The following CHCHD6 variants were observed in gnomAD, a reference collection of about 807,000 sequenced individuals.
The protein encoded by CHCHD6 is coiled-coil-helix-coiled-coil-helix domain containing 6, also known as MICOS complex subunit MIC25.
A neutral mutation model predicts 32.3 loss-of-function variants in CHCHD6; 28 were observed. That is an observed-to-expected ratio of 0.87 (90% CI 0.64 to 1.19). CHCHD6 has a LOEUF of 1.19. CHCHD6 is among the 50% of genes most tolerant of loss of function. The pLI, the probability that CHCHD6 is intolerant of heterozygous loss-of-function variation, is 0.00. For synonymous variants in CHCHD6, 122 were observed against 117.5 expected (o/e 1.04, Z -0.25); for missense variants, 333 against 307.0 (o/e 1.08, Z -0.63).
At chr3:126,836,459 C>A (rs1006173298) in intron 4 of CHCHD6, among the ~76,000 whole-genome samples, 7 of 152,222 alleles carry the variant, frequency 4.6e-5, no homozygotes, top group African/African-American at 1.7e-4. Flanking sequence ...GACCGCCACT[C>A]TGTTCTTCAC....
At position 126,770,083 on chromosome 3, in the gene CHCHD6, G is replaced by A. The variant is rs545124899; in HGVS notation, c.411+36861G>A. On this transcript the variant is annotated intron_variant, in intron 4 of 7. Transcript: ENST00000290913. ...CCTCCTTGGTTACGTGTATTCTAAG[G>A]TATTTTATTCTTTTTGTGGCTATTG... Among the ~76,000 whole-genome samples the A allele has an allele frequency of 3.9e-5, 6 of 152,084 alleles. No individual in the cohort carries two copies. The East Asian group carries it at 1.2e-3, about 29-fold the overall frequency.
chr3:126,719,881 CT>C (rs200016987), intron 1 of CHCHD6, among the ~76,000 whole-genome samples: 60 of 147,410 alleles, frequency 4.1e-4, no homozygotes, highest in Non-Finnish European at 4.5e-4. Context: ...TCAGAGTCTT[CT>C]TTTTTTTTTT....
intron 4 of CHCHD6, among the ~76,000 whole-genome samples, chr3:126,843,721 C>T (rs1005138005): frequency 2.0e-5 from 3 of 152,146 alleles, no homozygotes; most frequent in African/African-American, 7.2e-5. Flanking sequence ...CCACTGTCTC[C>T]TCCCAAGAGT....
intron 6 of CHCHD6, among the ~76,000 whole-genome samples, chr3:126,931,072 C>T (rs953204156): frequency 2.6e-4 from 40 of 152,342 alleles, no homozygotes; most frequent in African/African-American, 9.1e-4. Context: ...GCGGCCGGCT[C>T]TCTTCCTGCT....
intron 4 of CHCHD6, among the ~76,000 whole-genome samples, chr3:126,762,383 G>C (rs1182343393): frequency 6.6e-6 from 1 of 151,952 alleles, no homozygotes; most frequent in Non-Finnish European, 1.5e-5. Context: ...TTCCTTTTCT[G>C]TTTTCTTCTT....
chr3:126,733,072 G>A lies in CHCHD6; in HGVS notation c.267-6G>A. ...ATCTGTTTCTCCTCATGTTTCTTCT[G>A]CACAGGTATGAACAGGAGCATGCTG... On this transcript the variant is annotated splice_region_variant and splice_polypyrimidine_tract_variant and intron_variant, in intron 3 of 7. Transcript: ENST00000290913. 1 of 1,614,070 alleles carries A rather than the reference G, an allele frequency of 6.2e-7. No individual in the cohort carries two copies. Among genetic ancestry groups the A allele is most frequent in the Non-Finnish European group, 8.5e-7 (1 of 1,179,956 alleles).
intron 5 of CHCHD6, among the ~76,000 whole-genome samples, chr3:126,870,675 G>A (rs2077455581): frequency 1.3e-5 from 2 of 152,290 alleles, no homozygotes; most frequent in East Asian, 3.9e-4. Context: ...TTCTGCATAT[G>A]ACTACTGTTT....
intron 4 of CHCHD6, among the ~76,000 whole-genome samples, chr3:126,803,972 A>G (rs994892179): frequency 4.6e-5 from 7 of 152,262 alleles, no homozygotes; most frequent in African/African-American, 1.4e-4. Context: ...TAATGGATAC[A>G]TAACGAAATG....
intron 4 of CHCHD6, among the ~76,000 whole-genome samples, chr3:126,826,751 C>A (rs1258043251): frequency 1.3e-5 from 2 of 152,128 alleles, no homozygotes; most frequent in Non-Finnish European, 2.9e-5. Context: ...ATGTTTGTCA[C>A]CACACTGTGT....
At position 126,733,090 on chromosome 3, in the gene CHCHD6, G is replaced by A; in HGVS notation, c.279G>A (p.Glu93=). 1.2e-6 allele frequency: 2 copies of A among 1,614,234 alleles called. No homozygotes were observed. Among genetic ancestry groups the A allele is most frequent in the Non-Finnish European group, 8.5e-7 (1 of 1,180,028 alleles). ...MKEGVKRYEQ[E]HAAIQDKLFQ... Reference sequence around the variant, plus strand: ...TTCTTCTGCACAGGTATGAACAGGAGCATGCTGCTATCCAGGATAAGCTCT... The same window carrying A: ...TTCTTCTGCACAGGTATGAACAGGAACATGCTGCTATCCAGGATAAGCTCT... The change falls in exon 4 of 8, where the codon GAG becomes GAA. Residue 93 remains glutamate (E), a synonymous_variant. Transcript: ENST00000290913.
intron 4 of CHCHD6, among the ~76,000 whole-genome samples, chr3:126,814,501 A>T (rs1471628048): frequency 1.3e-5 from 2 of 152,230 alleles, no homozygotes. Context: ...ACTCCCCACC[A>T]GCCTAAGGTT....
intron 4 of CHCHD6, among the ~76,000 whole-genome samples, chr3:126,767,665 G>C (rs1937433505): frequency 6.6e-6 from 1 of 152,104 alleles, no homozygotes. Flanking sequence ...ATGTCACAGG[G>C]GTTTGGTGTA....
intron 4 of CHCHD6, among the ~76,000 whole-genome samples, chr3:126,779,592 G>GTGAT: frequency 6.6e-6 from 1 of 150,600 alleles, no homozygotes; most frequent in East Asian, 2.0e-4. Context: ...ATTTAGGTCT[G>GTGAT]TGATGTCTTT....
At chr3:126,799,016 G>A in intron 4 of CHCHD6, among the ~76,000 whole-genome samples, 1 of 152,194 alleles carries the variant, frequency 6.6e-6, no homozygotes, top group East Asian at 1.9e-4. Flanking sequence ...TCTGGTGCTG[G>A]TGAGGTGTTC....
rs187799362 is a variant in CHCHD6, at chr3:126,899,708, T to C, written c.496-14972T>C. ...TTCATCCATTCACCTTTCCTGGTCT[T>C]GAGAGTGCCCTTCCATGGCACATTG... is the stretch of plus-strand genomic sequence containing the variant. On this transcript the variant is annotated intron_variant, in intron 5 of 7. Transcript: ENST00000290913. Among the ~76,000 whole-genome samples the C allele has an allele frequency of 2.4e-3, 359 of 152,288 alleles. 2 individuals carry two copies. Among genetic ancestry groups the C allele is most frequent in the Non-Finnish European group, 4.4e-3 (300 of 68,014 alleles).
At chr3:126,950,183 A>G (rs1191838472) in intron 6 of CHCHD6, among the ~76,000 whole-genome samples, 6 of 152,078 alleles carry the variant, frequency 3.9e-5, no homozygotes, top group Non-Finnish European at 7.4e-5. Context: ...CACTGCACCA[A>G]GTTTTGTCAT....
At chr3:126,919,542 T>C (rs1159610925) in intron 6 of CHCHD6, among the ~76,000 whole-genome samples, 1 of 151,714 alleles carries the variant, frequency 6.6e-6, no homozygotes, top group African/African-American at 2.4e-5. Flanking sequence ...CTTGAACTCC[T>C]GGCTTATGCA....
At chr3:126,743,640 G>A (rs553129663) in intron 4 of CHCHD6, among the ~76,000 whole-genome samples, 12 of 152,240 alleles carry the variant, frequency 7.9e-5, no homozygotes, top group Middle Eastern at 3.4e-3. Flanking sequence ...CCAGGCTGCC[G>A]ACCTCAGCTA....
At chr3:126,725,788 T>C (rs1935502870) in intron 1 of CHCHD6, among the ~76,000 whole-genome samples, 1 of 152,244 alleles carries the variant, frequency 6.6e-6, no homozygotes, top group Non-Finnish European at 1.5e-5. Context: ...GATGGTGTCT[T>C]TACTTAAGTC....
Sources: gnomAD v4.1 joint callset for allele counts (sites outside exome capture counted in the v4.1 genomes callset) on GRCh38, gnomAD v4.1.1 for gene constraint, MANE v1.5 for transcripts, NCBI Gene and HGNC (gene_info 2026-07-23, HGNC 2026-07-21) for gene names.